The following RNF13 variants were observed in gnomAD, a reference collection of about 807,000 sequenced individuals.
RNF13 encodes E3 ubiquitin-protein ligase RNF13.
RNF13 carries 19 observed loss-of-function variants against 37.7 expected under a neutral mutation model. The observed-to-expected ratio is 0.50, with a 90% CI of 0.35 to 0.74. The LOEUF is 0.74. Ranked by LOEUF, RNF13 falls within the 30% of genes least tolerant of loss-of-function variation. The pLI is 0.01. For missense variants in RNF13, 375 were observed against 453.0 expected (o/e 0.83, Z 1.56); for synonymous variants, 144 against 157.8 (o/e 0.91, Z 0.65).
In RNF13 at chr3:149,927,576, A is replaced by G. The variant is rs149316205; in HGVS notation, c.700+6349A>G. Among the ~76,000 whole-genome samples, 382 of 152,330 alleles carry G rather than the reference A, an allele frequency of 2.5e-3. 2 individuals are homozygous for G. The highest frequency in any genetic ancestry group is 8.6e-3 in the African/African-American group (358 of 41,576). ...AGTTACTGTACCATTTTACATTCCC[A>G]GCAGCAATGCTCAAGGGTTCATATT... On this transcript the variant is annotated intron_variant, in intron 8 of 9. Coordinates refer to ENST00000392894, the MANE Select transcript of RNF13 (RefSeq NM_183381.3).
intron 6 of RNF13, among the ~76,000 whole-genome samples, chr3:149,902,814 G>A (rs1212210800): frequency 6.6e-6 from 1 of 152,012 alleles, no homozygotes; most frequent in Admixed American, 6.6e-5. Flanking sequence ...ACAGACTTTG[G>A]TCTAAGAGGA....
At chr3:149,877,811 G>GAT (rs1201845362) in intron 4 of RNF13, among the ~76,000 whole-genome samples, 1 of 152,020 alleles carries the variant, frequency 6.6e-6, no homozygotes, top group Non-Finnish European at 1.5e-5. Context: ...CATATTCAAG[G>GAT]ATATTCGATG....
chr3:149,847,437 T>C (rs569886217), intron 2 of RNF13, among the ~76,000 whole-genome samples: 1 of 152,326 alleles, frequency 6.6e-6, no homozygotes, highest in African/African-American at 2.4e-5. Flanking sequence ...GCTGTGCTTC[T>C]GCACATTGCA....
At chr3:149,851,553 T>C (rs889262281) in intron 2 of RNF13, 3 of 152,248 alleles carry the variant, frequency 2.0e-5, no homozygotes, top group Non-Finnish European at 4.4e-5. Context: ...CTTATCTATA[T>C]ATAACACTCT....
At chr3:149,812,949 C>T (rs1719048356), upstream of RNF13, 1 of 152,668 alleles carries the variant, frequency 6.6e-6, no homozygotes, top group African/African-American at 2.4e-5. Context: ...CCAGCCTGCC[C>T]CTTCCTCTGC....
At chr3:149,943,674 CTGTT>C (rs1720494909) in intron 8 of RNF13, among the ~76,000 whole-genome samples, 1 of 152,146 alleles carries the variant, frequency 6.6e-6, no homozygotes, top group Non-Finnish European at 1.5e-5. Context: ...TGTGTTCTGC[CTGTT>C]TATCTCTCCC....
rs533541830 is a variant in RNF13 at position 149,876,244 on chromosome 3, A to T, written c.321+4090A>T. Among the ~76,000 whole-genome samples the T allele has an allele frequency of 1.8e-4, 28 of 152,340 alleles. 1 individual carries two copies. The highest frequency in any genetic ancestry group is 6.3e-4 in the African/African-American group (26 of 41,586). ...AGAAATGGTGCAACATATGCACTTTATTCAGCAGTGTGTGCTGAATCTTAT... is the reference window on the plus strand; with the variant it reads ...AGAAATGGTGCAACATATGCACTTTTTTCAGCAGTGTGTGCTGAATCTTAT... On this transcript the variant is annotated intron_variant, in intron 4 of 9. Coordinates refer to ENST00000392894, the MANE Select transcript of RNF13 (RefSeq NM_183381.3).
At chr3:149,949,046 AT>A (rs1721051606) in intron 8 of RNF13, among the ~76,000 whole-genome samples, 2 of 152,052 alleles carry the variant, frequency 1.3e-5, no homozygotes, top group Admixed American at 1.3e-4. Context: ...AAAAAATTAT[AT>A]ACCAGATTTA....
chr3:149,845,247 T>C (rs1722534339), intron 1 of RNF13, among the ~76,000 whole-genome samples: 1 of 152,200 alleles, frequency 6.6e-6, no homozygotes, highest in Non-Finnish European at 1.5e-5. Flanking sequence ...AATAATTCAT[T>C]ATAAAAGCCC....
chr3:149,854,899 TG>T (rs1723493448), intron 3 of RNF13, among the ~76,000 whole-genome samples: 1 of 152,234 alleles, frequency 6.6e-6, no homozygotes, highest in South Asian at 2.1e-4. Flanking sequence ...TGAGGAAGGC[TG>T]GGAAATACAA....
intron 1 of RNF13, among the ~76,000 whole-genome samples, chr3:149,838,589 G>C (rs1343088803): frequency 1.3e-5 from 2 of 152,202 alleles, no homozygotes; most frequent in African/African-American, 2.4e-5. Flanking sequence ...CTGTACCTTG[G>C]CTCTGTTTAG....
intron 1 of RNF13, among the ~76,000 whole-genome samples, chr3:149,830,077 T>G (rs1452418358): frequency 1.5e-5 from 2 of 136,172 alleles, no homozygotes; most frequent in Non-Finnish European, 3.1e-5. Context: ...CTCTTTTTCT[T>G]TATAAATTAC....
At chr3:149,859,735 A>G (rs976689708) in intron 3 of RNF13, among the ~76,000 whole-genome samples, 1 of 152,214 alleles carries the variant, frequency 6.6e-6, no homozygotes, top group African/African-American at 2.4e-5. Flanking sequence ...TTAAGATGAT[A>G]TAGATATGAA....
intron 3 of RNF13, among the ~76,000 whole-genome samples, chr3:149,871,122 A>G (rs1712005503): frequency 6.7e-6 from 1 of 149,878 alleles, no homozygotes; most frequent in African/African-American, 2.5e-5. Flanking sequence ...ACTCACTGCA[A>G]CTTCCACCTC....
chr3:149,893,604 A>T (rs1576834851), intron 4 of RNF13, among the ~76,000 whole-genome samples: 1 of 152,234 alleles, frequency 6.6e-6, no homozygotes, highest in Non-Finnish European at 1.5e-5. Flanking sequence ...ATAATGCAGA[A>T]ATAATAAGTT....
chr3:149,923,655 AC>A (rs1379359610), intron 8 of RNF13, among the ~76,000 whole-genome samples: 1 of 150,910 alleles, frequency 6.6e-6, no homozygotes, highest in Non-Finnish European at 1.5e-5. Flanking sequence ...AGTACCAGCT[AC>A]TCAGGAGGCT....
At chr3:149,883,731 T>C (rs1401233632) in intron 4 of RNF13, among the ~76,000 whole-genome samples, 29 of 152,030 alleles carry the variant, frequency 1.9e-4, no homozygotes, top group East Asian at 1.9e-4. Flanking sequence ...CTGGGGTACA[T>C]GTACAGGATG....
intron 8 of RNF13, among the ~76,000 whole-genome samples, chr3:149,950,431 G>C (rs1721208336): frequency 6.6e-6 from 1 of 152,172 alleles, no homozygotes; most frequent in African/African-American, 2.4e-5. Flanking sequence ...GTGAGGTACA[G>C]GGAAGGGGAA....
chr3:149,838,601 C>T (rs2108357643), intron 1 of RNF13, among the ~76,000 whole-genome samples: 1 of 152,296 alleles, frequency 6.6e-6, no homozygotes, highest in South Asian at 2.1e-4. Context: ...TCTGTTTAGC[C>T]ACGGCTGGGA....
Sources: gnomAD v4.1 joint callset for allele counts (sites outside exome capture counted in the v4.1 genomes callset) on GRCh38, gnomAD v4.1.1 for gene constraint, MANE v1.5 for transcripts, NCBI Gene and HGNC (gene_info 2026-07-23, HGNC 2026-07-21) for gene names.